The following ELMO1 variants were observed in gnomAD, a reference collection of about 807,000 sequenced individuals.
The protein encoded by ELMO1 is engulfment and cell motility 1, also known as engulfment and cell motility protein 1.
In ELMO1, 26 loss-of-function variants were observed where a neutral mutation model predicts 98.9. That is an observed-to-expected ratio of 0.26 (90% CI 0.19 to 0.36). The LOEUF (loss-of-function observed/expected upper bound fraction) is 0.36. Among genes scored for constraint, ELMO1 ranks in the 10% least tolerant of loss-of-function variants. The pLI, the probability that ELMO1 is intolerant of heterozygous loss-of-function variation, is 1.00. For missense variants in ELMO1, 627 were observed against 935.2 expected (o/e 0.67, Z 4.30); for synonymous variants, 346 against 346.0 (o/e 1.00, Z 0.00).
At chr7:37,321,736 A>AAAAAAAAAAAAAAC (rs1192639432) in intron 2 of ELMO1, among the ~76,000 whole-genome samples, 5 of 148,208 alleles carry the variant, frequency 3.4e-5, no homozygotes, top group African/African-American at 4.9e-5. Flanking sequence ...AAAAAAAAAA[A>AAAAAAAAAAAAAAC]AACACAGAAA....
At chr7:37,221,422 A>G (rs984504465) in intron 10 of ELMO1, among the ~76,000 whole-genome samples, 4 of 152,218 alleles carry the variant, frequency 2.6e-5, no homozygotes, top group Non-Finnish European at 5.9e-5. Context: ...GCTCCCCAGC[A>G]TAGTTTCTAG....
chr7:37,245,333 T>C (rs1256083061), intron 6 of ELMO1, among the ~76,000 whole-genome samples: 2 of 152,114 alleles, frequency 1.3e-5, no homozygotes, highest in Non-Finnish European at 2.9e-5. Context: ...ACTGTGACAA[T>C]AGCGTAATGT....
At chr7:37,040,888 C>T (rs1795467549) in intron 15 of ELMO1, among the ~76,000 whole-genome samples, 1 of 151,924 alleles carries the variant, frequency 6.6e-6, no homozygotes, top group African/African-American at 2.4e-5. Context: ...CCAGCCTATC[C>T]AACAAAGGCA....
At chr7:37,178,200 G>C (rs181820097) in intron 13 of ELMO1, among the ~76,000 whole-genome samples, 1 of 151,914 alleles carries the variant, frequency 6.6e-6, no homozygotes, top group Non-Finnish European at 1.5e-5. Flanking sequence ...CACGTGGCTG[G>C]GGAGGCCTCA....
intron 13 of ELMO1, among the ~76,000 whole-genome samples, chr7:37,159,665 C>T (rs1039779067): frequency 3.3e-5 from 5 of 152,022 alleles, no homozygotes; most frequent in Non-Finnish European, 7.4e-5. Flanking sequence ...TGGCACTGCA[C>T]TCCGGCCAGG....
At chr7:36,889,393 A>G (rs1303192994) in intron 17 of ELMO1, among the ~76,000 whole-genome samples, 1 of 149,968 alleles carries the variant, frequency 6.7e-6, no homozygotes, top group Non-Finnish European at 1.5e-5. Context: ...AGCTTTGAAG[A>G]ACCCTGCACT....
intron 1 of ELMO1, among the ~76,000 whole-genome samples, chr7:37,424,126 A>G (rs148520014): frequency 3.6e-4 from 55 of 152,326 alleles, no homozygotes; most frequent in Middle Eastern, 3.4e-3. Context: ...CCACCAACAG[A>G]TCATCATTTC....
chr7:36,887,862 T>C (rs1186694966), intron 17 of ELMO1, among the ~76,000 whole-genome samples, 190 bp from the exon 18 acceptor site: 1 of 152,144 alleles, frequency 6.6e-6, no homozygotes, highest in Non-Finnish European at 1.5e-5. Flanking sequence ...AACACCACAA[T>C]AGATTCTGTG....
intron 2 of ELMO1, among the ~76,000 whole-genome samples, chr7:37,321,859 T>TCCC (rs1562612295): frequency 4.9e-5 from 6 of 121,816 alleles, no homozygotes; most frequent in East Asian, 2.6e-4. Flanking sequence ...GTAACTCCCT[T>TCCC]TTTTTTTTTT....
Position 37,027,491 on chromosome 7 carries a change from G to C in ELMO1, c.1301-14056C>G, listed in dbSNP as rs1488203627. Among the ~76,000 whole-genome samples the C allele has an allele frequency of 2.0e-5, 3 of 152,156 alleles. No homozygotes were observed. The South Asian group carries it at 6.2e-4, about 32-fold the overall frequency. On this transcript the variant is annotated intron_variant, in intron 15 of 21. Transcript: ENST00000310758. ...CAACTATGTGTTAATCCTGGACAAA[G>C]GCATTTAAGGGAGACGCAGGGGATA...
chr7:37,268,013 T>C (rs983558747), intron 5 of ELMO1, among the ~76,000 whole-genome samples: 2 of 152,244 alleles, frequency 1.3e-5, no homozygotes, highest in African/African-American at 4.8e-5. Flanking sequence ...AGTTTCTCTC[T>C]ACTTCAAGAC....
chr7:37,033,492 T>TA (rs35858298), intron 15 of ELMO1: 16,503 of 376,094 alleles, frequency 0.044, 516 homozygotes, highest in African/African-American at 0.15. Context: ...TGTTTAGTGT[T>TA]AAAAAAAAAA....
chr7:37,200,820 A>C (rs1364289685), intron 13 of ELMO1, among the ~76,000 whole-genome samples: 1 of 151,996 alleles, frequency 6.6e-6, no homozygotes, highest in Non-Finnish European at 1.5e-5. Context: ...ACAAAAAAAT[A>C]GCTGGGCCTG....
At chr7:36,964,978 A>G (rs1411165705) in intron 16 of ELMO1, among the ~76,000 whole-genome samples, 1 of 151,114 alleles carries the variant, frequency 6.6e-6, no homozygotes, top group Non-Finnish European at 1.5e-5. Context: ...GGCCACTATC[A>G]CCCCCCGCAT....
At chr7:37,433,187 C>T (rs186862431) in intron 1 of ELMO1, among the ~76,000 whole-genome samples, 5 of 152,264 alleles carry the variant, frequency 3.3e-5, no homozygotes, top group South Asian at 2.1e-4. Context: ...TACTCAAAGA[C>T]GAAGGAACCA....
chr7:37,325,461 G>A (rs995827773), intron 2 of ELMO1, among the ~76,000 whole-genome samples: 4 of 152,090 alleles, frequency 2.6e-5, no homozygotes, highest in African/African-American at 9.7e-5. Flanking sequence ...AGCTAAAGAC[G>A]GATCACAGCA....
intron 15 of ELMO1, among the ~76,000 whole-genome samples, chr7:37,094,059 C>G (rs1003488751): frequency 4.6e-5 from 7 of 152,228 alleles, no homozygotes; most frequent in Admixed American, 3.3e-4. Context: ...AGGACCATAT[C>G]TGGTTCCTTT....
intron 16 of ELMO1, chr7:36,985,897 C>T: frequency 3.0e-6 from 3 of 1,000,978 alleles, no homozygotes; most frequent in Non-Finnish European, 3.6e-6. Flanking sequence ...CCGGTGGACA[C>T]ATGTGTGAGA....
chr7:37,174,733 C>CA (rs1348881029), intron 13 of ELMO1, among the ~76,000 whole-genome samples: 1 of 152,154 alleles, frequency 6.6e-6, no homozygotes, highest in African/African-American at 2.4e-5. Flanking sequence ...GTGGCTGGCA[C>CA]ACTGTTAATT....
Sources: allele counts gnomAD v4.1 joint callset (sites outside exome capture counted in the v4.1 genomes callset), GRCh38; gene constraint gnomAD v4.1.1; transcripts MANE v1.5; gene names NCBI Gene and HGNC (gene_info 2026-07-23, HGNC 2026-07-21).